STXBP5L: variants seen among roughly 807,000 people sequenced by gnomAD.
The protein encoded by STXBP5L is syntaxin-binding protein 5-like.
Under a neutral mutation model 144.5 loss-of-function variants are expected in STXBP5L, and 65 were observed. The ratio of observed to expected loss-of-function variants is 0.45; its 90% confidence interval spans 0.37 to 0.55. STXBP5L has a LOEUF of 0.55. STXBP5L is among the 20% of genes least tolerant of loss of function. STXBP5L has a pLI of 0.00. For missense variants in STXBP5L, 1,298 were observed against 1,405.5 expected (o/e 0.92, Z 1.22); for synonymous variants, 505 against 469.6 (o/e 1.08, Z -0.97).
At chr3:120,981,330 T>A (rs1941751723) in intron 3 of STXBP5L, among the ~76,000 whole-genome samples, 1 of 152,202 alleles carries the variant, frequency 6.6e-6, no homozygotes. Context: ...GAAACAATGA[T>A]AACTCATAGC....
intron 19 of STXBP5L, among the ~76,000 whole-genome samples, chr3:121,303,614 A>T (rs1262855903): frequency 6.6e-6 from 1 of 152,206 alleles, no homozygotes; most frequent in Non-Finnish European, 1.5e-5. Flanking sequence ...AATAGCAAAG[A>T]CTTGGAACCA....
chr3:121,338,372 G>A (rs937793800), intron 20 of STXBP5L, among the ~76,000 whole-genome samples: 8 of 152,058 alleles, frequency 5.3e-5, no homozygotes, highest in Middle Eastern at 3.4e-3. Context: ...GGCCAGGTGC[G>A]GTGGTTCACG....
In STXBP5L at chr3:121,313,606, A is replaced by AC. The variant is rs1227015153; in HGVS notation, c.2111-4858dup. On this transcript the variant is annotated intron_variant, in intron 19 of 26. Transcript: ENST00000471454. ...CCCTCCCGGACGGGGCGGCTGGCCG[A>AC]CCCCCCCCCCCGCCTCCCTCCCGGA... is the stretch of plus-strand genomic sequence containing the variant. 2.7e-3 allele frequency among the ~76,000 whole-genome samples: 34 copies of AC among 12,596 alleles called. 1 individual carries two copies. The highest frequency in any genetic ancestry group is 4.6e-3 in the Non-Finnish European group (30 of 6,540). 8.3% of individuals were successfully genotyped at this position (12,596 alleles called of 152,430 possible).
chr3:121,356,830 AC>A (rs2045531964), intron 20 of STXBP5L, among the ~76,000 whole-genome samples: 2 of 152,146 alleles, frequency 1.3e-5, no homozygotes, highest in Admixed American at 1.3e-4. Flanking sequence ...TGGAACCTGG[AC>A]CAGCATATTT....
intron 19 of STXBP5L, among the ~76,000 whole-genome samples, chr3:121,286,655 G>A (rs2051242320): frequency 6.6e-6 from 1 of 152,144 alleles, no homozygotes; most frequent in South Asian, 2.1e-4. Flanking sequence ...AAACATTTAA[G>A]TGAAGTTTTG....
At chr3:121,232,203 AAGTTCCC>A (rs2049332082) in intron 11 of STXBP5L, among the ~76,000 whole-genome samples, 2 of 152,112 alleles carry the variant, frequency 1.3e-5, no homozygotes, top group Non-Finnish European at 2.9e-5. Context: ...TCCAAGTTCC[AAGTTCCC>A]AGTCAAGTTC....
chr3:121,384,111 A>G lies in STXBP5L; in HGVS notation c.2587+2579A>G, dbSNP rs72969930. ...ACTTTGAAATTTATCCACTCATTCA[A>G]CAAACATTTACCAAGCCCATACCAC... On this transcript the variant is annotated intron_variant, in intron 22 of 26. Coordinates refer to ENST00000471454, the MANE Select transcript of STXBP5L (RefSeq NM_001308330.2). Among the ~76,000 whole-genome samples the G allele has an allele frequency of 3.1e-3, 472 of 152,280 alleles. 4 individuals are homozygous for G. The highest frequency in any genetic ancestry group is 0.011 in the African/African-American group (447 of 41,586).
chr3:121,059,918 C>T (rs894702554), intron 5 of STXBP5L, among the ~76,000 whole-genome samples: 1 of 152,202 alleles, frequency 6.6e-6, no homozygotes, highest in Admixed American at 6.5e-5. Flanking sequence ...CATCTGCAAA[C>T]AAAGACAATT....
intron 3 of STXBP5L, among the ~76,000 whole-genome samples, chr3:121,006,355 T>G (rs1944303312): frequency 6.6e-6 from 1 of 152,172 alleles, no homozygotes; most frequent in Non-Finnish European, 1.5e-5. Context: ...GTCTGTTTTA[T>G]CAGAGACTAG....
At chr3:121,415,628 AAGAAG>A (rs1384026711) in intron 24 of STXBP5L, among the ~76,000 whole-genome samples, 1 of 152,170 alleles carries the variant, frequency 6.6e-6, no homozygotes. Context: ...TGATGGAAGG[AAGAAG>A]AGAAGAGGAT....
chr3:121,096,193 C>T (rs765411740), intron 5 of STXBP5L, among the ~76,000 whole-genome samples: 1 of 152,208 alleles, frequency 6.6e-6, no homozygotes, highest in Non-Finnish European at 1.5e-5. Flanking sequence ...CTGCATCACT[C>T]ATGCTGGGAG....
chr3:121,005,757 G>T (rs1333609754), intron 3 of STXBP5L, among the ~76,000 whole-genome samples: 5 of 152,080 alleles, frequency 3.3e-5, no homozygotes, highest in East Asian at 1.9e-4. Context: ...TTGTATCTTT[G>T]TTCTCATTGG....
At chr3:120,979,559 C>T (rs1269015882) in intron 3 of STXBP5L, among the ~76,000 whole-genome samples, 1 of 152,116 alleles carries the variant, frequency 6.6e-6, no homozygotes, top group Non-Finnish European at 1.5e-5. Flanking sequence ...ACCCACTGTC[C>T]TGCACCCACT....
intron 20 of STXBP5L, among the ~76,000 whole-genome samples, chr3:121,360,058 A>G (rs2045664436): frequency 1.7e-5 from 1 of 57,720 alleles, no homozygotes; most frequent in Admixed American, 1.4e-4. Flanking sequence ...TAGTAATAAT[A>G]TATATAATAT....
At chr3:121,232,108 G>A (rs1266362193) in intron 11 of STXBP5L, among the ~76,000 whole-genome samples, 1 of 152,200 alleles carries the variant, frequency 6.6e-6, no homozygotes, top group Non-Finnish European at 1.5e-5. Flanking sequence ...GCCACTGGCA[G>A]CTCCTTCAGG....
chr3:120,948,424 A>G (rs1710991257), intron 2 of STXBP5L, among the ~76,000 whole-genome samples: 1 of 151,620 alleles, frequency 6.6e-6, no homozygotes, highest in Admixed American at 6.6e-5. Flanking sequence ...TTTTATTTCA[A>G]TAGTTTTTGG....
chr3:121,133,816 AG>A (rs1305830457), intron 7 of STXBP5L, among the ~76,000 whole-genome samples: 1 of 152,178 alleles, frequency 6.6e-6, no homozygotes, highest in Non-Finnish European at 1.5e-5. Context: ...GCAAAGAGGA[AG>A]CAAGGCATGT....
chr3:121,236,386 A>T (rs764125683), intron 12 of STXBP5L, among the ~76,000 whole-genome samples: 2 of 152,226 alleles, frequency 1.3e-5, no homozygotes, highest in Non-Finnish European at 2.9e-5. Flanking sequence ...TGTTTGGCTC[A>T]CAATTCTGAT....
chr3:120,952,066 A>C (rs1342074139), intron 2 of STXBP5L, among the ~76,000 whole-genome samples: 4 of 151,298 alleles, frequency 2.6e-5, no homozygotes, highest in Admixed American at 6.6e-5. Context: ...CAAAAAACCA[A>C]ACACCGCATA....
Sources: allele counts gnomAD v4.1 joint callset (sites outside exome capture counted in the v4.1 genomes callset), GRCh38; gene constraint gnomAD v4.1.1; transcripts MANE v1.5; gene names NCBI Gene and HGNC (gene_info 2026-07-23, HGNC 2026-07-21).